Variants in PAG1 observed in about 807,000 individuals in gnomAD.
PAG1 encodes the protein phosphoprotein membrane anchor with glycosphingolipid microdomains 1.
PAG1 carries 23 observed loss-of-function variants against 31.7 expected under a neutral mutation model. The ratio of observed to expected loss-of-function variants is 0.73; its 90% CI spans 0.52 to 1.03. The LOEUF is 1.03. Among genes scored for constraint, PAG1 ranks in the 50% least tolerant of loss-of-function variants. The pLI, the probability that PAG1 is intolerant of heterozygous loss-of-function variation, is 0.00. For missense variants in PAG1, 473 were observed against 540.7 expected (o/e 0.87, Z 1.24); for synonymous variants, 214 against 210.3 (o/e 1.02, Z -0.15).
Position 80,985,160 on chromosome 8 carries a change from T to G in PAG1, c.492A>C (p.Glu164Asp), listed in dbSNP as rs571083483. The G allele has an allele frequency of 6.2e-7, 1 of 1,614,150 alleles. No homozygotes were observed. The highest frequency in any genetic ancestry group is 1.1e-5 in the South Asian group (1 of 91,072). Residue 164 changes from glutamate (E) to aspartate (D), a missense_variant, in exon 7 of 9, where the codon GAA becomes GAC. Glu to Asp is a conservative substitution (Grantham distance 45). Transcript: ENST00000220597. ...CTTGGGAGGAGCTGTCCTTGAGCACTTCATAGGGCCCTTCCATCCCCAGCC... is the reference window on the plus strand; with the variant it reads ...CTTGGGAGGAGCTGTCCTTGAGCACGTCATAGGGCCCTTCCATCCCCAGCC... The part of the protein sequence containing the change: ...DQGLGMEGPY[E>D]VLKDSSSQEN...
At chr8:81,034,483 T>C (rs192901788) in intron 2 of PAG1, among the ~76,000 whole-genome samples, 70 of 152,348 alleles carry the variant, frequency 4.6e-4, no homozygotes, top group African/African-American at 1.6e-3. Flanking sequence ...TACAATACTT[T>C]ATCTATGTTG....
At chr8:81,065,467 A>G (rs530537514) in intron 2 of PAG1, among the ~76,000 whole-genome samples, 5 of 152,292 alleles carry the variant, frequency 3.3e-5, no homozygotes, top group South Asian at 4.1e-4. Flanking sequence ...AAAAACAACA[A>G]TATAAACAAA....
intron 1 of PAG1, among the ~76,000 whole-genome samples, chr8:81,095,836 T>C (rs1274732034): frequency 6.6e-6 from 1 of 152,198 alleles, no homozygotes; most frequent in East Asian, 1.9e-4. Context: ...GGCTGATAAA[T>C]ACAAAAGCTG....
At chr8:81,075,964 G>A (rs1252229624) in intron 1 of PAG1, among the ~76,000 whole-genome samples, 2 of 152,194 alleles carry the variant, frequency 1.3e-5, no homozygotes, top group Non-Finnish European at 2.9e-5. Flanking sequence ...GATAATTCTT[G>A]TAGCTCTTGC....
At chr8:81,013,654 A>G (rs958716383) in intron 3 of PAG1, among the ~76,000 whole-genome samples, 1 of 152,146 alleles carries the variant, frequency 6.6e-6, no homozygotes, top group Non-Finnish European at 1.5e-5. Context: ...ATCTCGGCTC[A>G]CTGCAGGCTC....
At chr8:80,987,565 A>G in intron 5 of PAG1, 99 bp from the exon 6 acceptor site, 1 of 757,340 alleles carries the variant, frequency 1.3e-6, no homozygotes, top group Non-Finnish European at 2.3e-6. Context: ...AAAAAATTAA[A>G]ACAGCAGAAA....
intron 1 of PAG1, among the ~76,000 whole-genome samples, chr8:81,086,102 C>T (rs191651331): frequency 0.033 from 4,987 of 148,936 alleles, 286 homozygotes; most frequent in African/African-American, 0.12. Flanking sequence ...CTGCCTCAGC[C>T]TCCCGAGTAG....
intron 8 of PAG1, among the ~76,000 whole-genome samples, chr8:80,977,536 C>T (rs961099900): frequency 3.3e-5 from 5 of 152,220 alleles, no homozygotes; most frequent in Non-Finnish European, 5.9e-5. Flanking sequence ...GCTGGATTCT[C>T]GTTGGTGGTA....
intron 3 of PAG1, among the ~76,000 whole-genome samples, chr8:81,026,301 T>C (rs1808276666): frequency 6.6e-6 from 1 of 151,468 alleles, no homozygotes. Flanking sequence ...TGAGCGCAGA[T>C]AGCACCGTTG....
intron 6 of PAG1, among the ~76,000 whole-genome samples, chr8:80,986,368 T>C (rs1393061174): frequency 6.6e-6 from 1 of 152,130 alleles, no homozygotes; most frequent in Non-Finnish European, 1.5e-5. Context: ...ACCCCACAGT[T>C]TCCTCATCAG....
At chr8:81,051,117 T>C (rs556916103) in intron 2 of PAG1, among the ~76,000 whole-genome samples, 1 of 152,360 alleles carries the variant, frequency 6.6e-6, no homozygotes, top group African/African-American at 2.4e-5. Flanking sequence ...GTAAGCTGTC[T>C]CTGATACTGA....
At chr8:80,992,467 G>C (rs1807571751) in intron 4 of PAG1, among the ~76,000 whole-genome samples, 1 of 152,220 alleles carries the variant, frequency 6.6e-6, no homozygotes, top group African/African-American at 2.4e-5. Context: ...CTTTGTAACA[G>C]TTCCAGAATG....
Position 80,976,748 on chromosome 8 carries a change from G to C in PAG1, c.1095C>G (p.Phe365Leu). 6.2e-7 allele frequency: 1 copy of C among 1,614,068 alleles called. No individual in the cohort carries two copies. Among genetic ancestry groups the C allele is most frequent in the Non-Finnish European group, 8.5e-7 (1 of 1,179,962 alleles). Residue 365 changes from phenylalanine (F) to leucine (L), a missense_variant, in exon 9 of 9, where the codon TTC (phenylalanine) becomes TTG (leucine). By Grantham distance (22) the Phe-to-Leu change is conservative (BLOSUM62 0). Coordinates refer to ENST00000220597, the MANE Select transcript of PAG1 (RefSeq NM_018440.4). ...GAAGTGTGCTGTTTGGAGTTTTTTCGAAGTCTTTAACAGTAGCATAGAGAT... is the reference window on the plus strand; with the variant it reads ...GAAGTGTGCTGTTTGGAGTTTTTTCCAAGTCTTTAACAGTAGCATAGAGAT... Reference protein sequence around the residue: ...CNDLYATVKDFEKTPNSTLPP... With the variant: ...CNDLYATVKDLEKTPNSTLPP...
At chr8:81,028,482 T>C (rs1277273040) in intron 3 of PAG1, among the ~76,000 whole-genome samples, 1 of 152,230 alleles carries the variant, frequency 6.6e-6, no homozygotes, top group Non-Finnish European at 1.5e-5. Flanking sequence ...GTCTAGTGTG[T>C]TCATCAAGTA....
At chr8:81,026,497 T>C (rs1405928905) in intron 3 of PAG1, among the ~76,000 whole-genome samples, 1 of 150,274 alleles carries the variant, frequency 6.7e-6, no homozygotes, top group Non-Finnish European at 1.5e-5. Flanking sequence ...CTTTAGGGCA[T>C]CCTCCCCCGA....
At chr8:81,055,523 A>T (rs1423908734) in intron 2 of PAG1, among the ~76,000 whole-genome samples, 1 of 152,072 alleles carries the variant, frequency 6.6e-6, no homozygotes, top group Non-Finnish European at 1.5e-5. Context: ...TGGGGATGGC[A>T]TTGAATCTAT....
chr8:81,000,597 C>T (rs1037532627), intron 3 of PAG1, among the ~76,000 whole-genome samples: 9 of 152,200 alleles, frequency 5.9e-5, no homozygotes, highest in Admixed American at 2.0e-4. Context: ...TGTGCCACCA[C>T]GCCTGGTAAT....
intron 2 of PAG1, among the ~76,000 whole-genome samples, chr8:81,064,108 G>A (rs1451087349): frequency 1.3e-5 from 2 of 152,170 alleles, no homozygotes; most frequent in Admixed American, 6.5e-5. Flanking sequence ...TCCACACCGG[G>A]GTTGACTTGG....
intron 2 of PAG1, among the ~76,000 whole-genome samples, chr8:81,034,015 C>T (rs1808423436): frequency 6.6e-6 from 1 of 152,216 alleles, no homozygotes; most frequent in Non-Finnish European, 1.5e-5. Flanking sequence ...GCAATCTACT[C>T]CAAATTCATG....
Sources: gnomAD v4.1 joint callset for allele counts (sites outside exome capture counted in the v4.1 genomes callset) on GRCh38, gnomAD v4.1.1 for gene constraint, MANE v1.5 for transcripts, NCBI Gene and HGNC (gene_info 2026-07-23, HGNC 2026-07-21) for gene names.